The following GTF3C1 variants were observed in gnomAD, a reference collection of about 807,000 sequenced individuals.
GTF3C1 encodes general transcription factor 3C polypeptide 1.
GTF3C1 carries 57 observed loss-of-function variants against 226.7 expected under a neutral mutation model. That is an observed-to-expected ratio of 0.25 (90% CI 0.20 to 0.31). The LOEUF is 0.31. Ranked by LOEUF, GTF3C1 falls within the 10% of genes least tolerant of loss-of-function variation. The pLI is 1.00. For synonymous variants in GTF3C1, 1,090 were observed against 1,084.8 expected (o/e 1.00, Z -0.09); for missense variants, 2,217 against 2,776.1 (o/e 0.80, Z 4.53).
At chr16:27,506,326 CTGGG>C (rs2088484518) in intron 9 of GTF3C1, among the ~76,000 whole-genome samples, 1 of 152,086 alleles carries the variant, frequency 6.6e-6, no homozygotes, top group Admixed American at 6.6e-5. Flanking sequence ...GATGTCTGGG[CTGGG>C]TAATTCTCTG....
rs748838005 is a variant in GTF3C1 at position 27,501,228 on chromosome 16, T to C, written c.2024A>G (p.Tyr675Cys). Residue 675 changes from tyrosine (Y) to cysteine (C), a missense_variant, in exon 12 of 37, where the codon TAT (tyrosine) becomes TGT (cysteine). Physicochemically the swap from Tyr to Cys is radical, Grantham distance 194 (BLOSUM62 -2). Coordinates refer to ENST00000356183, the MANE Select transcript of GTF3C1 (RefSeq NM_001520.4). ...NLSEEGLLRL[Y>C]RTTVIQDGIK... ...GCCATCTTGAATGACAGTGGTCCGA[T>C]ACAATCGCAAGAGACCTTCCTCAGA... 2 of 1,614,132 alleles carry C rather than the reference T, an allele frequency of 1.2e-6. No homozygotes were observed. The highest frequency in any genetic ancestry group is 1.7e-5 in the Admixed American group (1 of 60,026).
intron 2 of GTF3C1, 125 bp from the exon 3 acceptor site, chr16:27,538,481 ATTAAG>A (rs1259841755): frequency 1.0e-5 from 6 of 590,332 alleles, no homozygotes; most frequent in Non-Finnish European, 1.4e-5. Flanking sequence ...AGATCCCAAA[ATTAAG>A]TTAAGCAAGT....
Position 27,485,987 on chromosome 16 carries a change from T to C in GTF3C1, c.3858+10A>G, listed in dbSNP as rs376779038. 10 of 1,584,538 alleles carry C rather than the reference T, an allele frequency of 6.3e-6. No homozygotes were observed. The highest frequency in any genetic ancestry group is 4.6e-5 in the East Asian group (2 of 43,620). Reference sequence around the variant, plus strand: ...GGGCAGGCCCACCGCTGGGCTGGGCTGGTTGGTACCTTGGTGTTGAGGACA... The same window carrying C: ...GGGCAGGCCCACCGCTGGGCTGGGCCGGTTGGTACCTTGGTGTTGAGGACA... On this transcript the variant is annotated intron_variant, in intron 24 of 36. Transcript: ENST00000356183.
At chr16:27,506,735 T>G in intron 9 of GTF3C1, 112 bp downstream of exon 9, 2 of 688,706 alleles carry the variant, frequency 2.9e-6, no homozygotes, top group Non-Finnish European at 4.8e-6. Context: ...AGGCCTCTCA[T>G]TAGGATGGCA....
Position 27,464,623 on chromosome 16 carries a change from G to T in GTF3C1, c.5569C>A (p.Pro1857Thr). The T allele has an allele frequency of 6.6e-7, 1 of 1,508,002 alleles. No individual in the cohort carries two copies. The highest frequency in any genetic ancestry group is 8.9e-7 in the Non-Finnish European group (1 of 1,129,038). The allele number at this position is 1,508,002 out of a possible 1,614,324, so 93.4% of individuals were successfully genotyped here. A position where few individuals can be genotyped will look rare whatever the true frequency, so the allele number is the denominator to read the frequency against. ...CTGGCGCGCCTCTTGGTGCCCCGGG[G>T]GCTGTGAGAAGGAGGTGCCTGCCCC... ...PEGQAPPSHSPRGTKRRASWA... is the reference protein window; with the variant it reads ...PEGQAPPSHSTRGTKRRASWA... Residue 1857 changes from proline to threonine, a missense_variant, in exon 34 of 37, where the codon CCC (proline) becomes ACC (threonine). This residue lies in a region of GTF3C1 where 455 missense variants were observed against 441.9 expected (regional missense o/e 1.03). Coordinates refer to ENST00000356183, the MANE Select transcript of GTF3C1 (RefSeq NM_001520.4).
intron 6 of GTF3C1, among the ~76,000 whole-genome samples, chr16:27,512,446 C>T (rs543982827): frequency 6.6e-6 from 1 of 152,052 alleles, no homozygotes; most frequent in African/African-American, 2.4e-5. Flanking sequence ...ATATTTATTC[C>T]AAGAAAACAA....
In GTF3C1 at chr16:27,506,162, A is replaced by T. The variant is rs2088481645; in HGVS notation, c.1553-46T>A. 5.4e-6 allele frequency: 6 copies of T among 1,120,574 alleles called. No individual in the cohort carries two copies. The South Asian group carries it at 7.8e-5, about 15-fold the overall frequency. The allele number at this position is 1,120,574 out of a possible 1,614,324, so 69.4% of individuals were successfully genotyped here. A position where few individuals can be genotyped will look rare whatever the true frequency, so the allele number is the denominator to read the frequency against. On this transcript the variant is annotated intron_variant, in intron 9 of 36. Coordinates refer to ENST00000356183, the MANE Select transcript of GTF3C1 (RefSeq NM_001520.4). ...AGAACAAATCAAGGGGGAGGCCAGG[A>T]GGGCATTCATGTTTGGCAATCAGAC... is the stretch of plus-strand genomic sequence containing the variant.
chr16:27,488,150 G>T, intron 23 of GTF3C1, 77 bp downstream of exon 23: 3 of 1,306,736 alleles, frequency 2.3e-6, no homozygotes, highest in African/African-American at 2.9e-5. Context: ...CTCAGGCCTG[G>T]CTGGAGTGAG....
intron 19 of GTF3C1, among the ~76,000 whole-genome samples, chr16:27,490,953 G>C (rs1031556915): frequency 6.6e-6 from 1 of 152,118 alleles, no homozygotes; most frequent in Non-Finnish European, 1.5e-5. Flanking sequence ...TTCACCAATT[G>C]TCAGGCCTGA....
chr16:27,503,068 G>A (rs1189567766), intron 10 of GTF3C1, 73 bp from the exon 11 acceptor site: 19 of 1,155,022 alleles, frequency 1.6e-5, no homozygotes, highest in Non-Finnish European at 2.5e-5. Context: ...ACACCTGTGG[G>A]TGCACTGGCC....
rs188590066 is a variant in GTF3C1 at position 27,536,443 on chromosome 16, G to A, written c.752+1341C>T. 6.8e-3 allele frequency among the ~76,000 whole-genome samples: 1,030 copies of A among 152,196 alleles called. 5 individuals carry two copies. Among genetic ancestry groups the A allele is most frequent in the Non-Finnish European group, 9.5e-3 (643 of 67,986 alleles). ...CCCTACTAAACTCTACTAAAAATAC[G>A]AAAATTAGCCGGGTATGGTGGCAGG... On this transcript the variant is annotated intron_variant, in intron 4 of 36. Coordinates refer to ENST00000356183, the MANE Select transcript of GTF3C1 (RefSeq NM_001520.4).
intron 24 of GTF3C1, among the ~76,000 whole-genome samples, chr16:27,485,637 T>C (rs139548927): frequency 1.9e-3 from 292 of 152,300 alleles, no homozygotes; most frequent in African/African-American, 6.6e-3. Flanking sequence ...TTTATATGTA[T>C]GCAGCTGAAA....
At chr16:27,543,052 G>A (rs1487198770) in intron 2 of GTF3C1, among the ~76,000 whole-genome samples, 1 of 152,228 alleles carries the variant, frequency 6.6e-6, no homozygotes, top group African/African-American at 2.4e-5. Context: ...GCTTGGGAGA[G>A]AGGTCTGGGA....
chr16:27,491,196 C>T (rs554054774), intron 19 of GTF3C1, among the ~76,000 whole-genome samples: 15 of 152,126 alleles, frequency 9.9e-5, no homozygotes, highest in Non-Finnish European at 1.6e-4. Context: ...TGTGTGACTC[C>T]CACTTTGCAA....
intron 27 of GTF3C1, among the ~76,000 whole-genome samples, chr16:27,478,773 C>T (rs1382383001): frequency 1.3e-4 from 19 of 149,144 alleles, no homozygotes; most frequent in South Asian, 2.1e-4. Context: ...TGTGGCAACA[C>T]GGAAAAATGT....
At chr16:27,494,345 G>A (rs957897881) in intron 16 of GTF3C1, among the ~76,000 whole-genome samples, 1 of 149,430 alleles carries the variant, frequency 6.7e-6, no homozygotes, top group African/African-American at 2.5e-5. Flanking sequence ...AGGTTGCAGT[G>A]AGCAGAGATC....
intron 5 of GTF3C1, 55 bp from the exon 6 acceptor site, chr16:27,528,776 A>G: frequency 6.5e-7 from 1 of 1,532,008 alleles, no homozygotes; most frequent in Non-Finnish European, 9.0e-7. Context: ...GTCTGAAATG[A>G]CTAGAAAGTC....
At position 27,471,611 on chromosome 16, in the gene GTF3C1, G is replaced by A; in HGVS notation, c.4526+137C>T. Reference sequence around the variant, plus strand: ...AGGTAAGGGGCTGCAGGAAACCCAAGCCGGCATCTTGCACATGAGGCTGCG... The same window carrying A: ...AGGTAAGGGGCTGCAGGAAACCCAAACCGGCATCTTGCACATGAGGCTGCG... On this transcript the variant is annotated intron_variant, in intron 30 of 36. Transcript: ENST00000356183. The surrounding 1 kb of genome is among the most constrained non-coding windows in gnomAD (Gnocchi z 5.0). The A allele has an allele frequency of 1.5e-6, 1 of 685,434 alleles. No individual in the cohort carries two copies. Among genetic ancestry groups the A allele is most frequent in the Non-Finnish European group, 2.6e-6 (1 of 390,776 alleles). 42.5% of individuals were successfully genotyped at this position (685,434 alleles called of 1,614,324 possible).
chr16:27,462,238 C>A lies in GTF3C1; in HGVS notation c.6117+56G>T, dbSNP rs1020347263. ...CTGGGGCCTGAACATCACAGCCGGG[C>A]CACTGAGTGCACCCAGCCGCCTCCA... is the stretch of plus-strand genomic sequence containing the variant. On this transcript the variant is annotated intron_variant, in intron 36 of 36. Transcript: ENST00000356183. The surrounding 1 kb of genome is among the most constrained non-coding windows in gnomAD (Gnocchi z 4.5). 42 of 1,275,562 alleles carry A rather than the reference C, an allele frequency of 3.3e-5. No homozygotes were observed. In the East Asian group the frequency reaches 1.0e-3, roughly 31 times the overall value. 79.0% of individuals were successfully genotyped at this position (1,275,562 alleles called of 1,614,324 possible).
Sources: gnomAD v4.1 joint callset for allele counts (sites outside exome capture counted in the v4.1 genomes callset) on GRCh38, gnomAD v4.1.1 for gene constraint, gnomAD v4.1.1 regional missense constraint, Gnocchi (gnomAD v3.1) non-coding constraint, MANE v1.5 for transcripts, NCBI Gene and HGNC (gene_info 2026-07-23, HGNC 2026-07-21) for gene names.